The following PLCE1 variants were observed in gnomAD, a reference collection of about 807,000 sequenced individuals.
PLCE1 encodes 1-phosphatidylinositol 4,5-bisphosphate phosphodiesterase epsilon-1.
Under a neutral mutation model 242.8 loss-of-function variants are expected in PLCE1, and 119 were observed. That is an observed-to-expected ratio of 0.49 (90% CI 0.42 to 0.57). The LOEUF is 0.57. Ranked by LOEUF, PLCE1 falls within the 20% of genes least tolerant of loss-of-function variation. PLCE1 has a pLI of 0.00. For synonymous variants in PLCE1, 945 were observed against 1,017.4 expected, an observed-to-expected ratio of 0.93 and a Z score of 1.35; for missense variants, 2,441 against 2,788.8, an observed-to-expected ratio of 0.88 and a Z score of 2.81.
At chr10:94,154,899 T>A (rs953054573) in intron 3 of PLCE1, among the ~76,000 whole-genome samples, 12 of 147,714 alleles carry the variant, frequency 8.1e-5, no homozygotes, top group African/African-American at 3.0e-4. Context: ...TATATACATA[T>A]ATATATATAT....
At chr10:94,161,615 ACTT>A (rs1401086008) in intron 3 of PLCE1, among the ~76,000 whole-genome samples, 4 of 152,124 alleles carry the variant, frequency 2.6e-5, no homozygotes, top group Non-Finnish European at 2.9e-5. Context: ...GGACAATTTG[ACTT>A]CTTCTTTTCC....
rs1331062804 is a variant in PLCE1 at position 94,004,463 on chromosome 10, C to T, written c.-365+10205C>T. ...ATGAAAAGAGAAAGCAGATATAAAA[C>T]TTAAAAATTAAAGGTCAAATACTTT... On this transcript the variant is annotated intron_variant, in intron 1 of 32. Coordinates refer to ENST00000371380, the MANE Select transcript of PLCE1 (RefSeq NM_016341.4). Among the ~76,000 whole-genome samples the T allele has an allele frequency of 2.0e-5, 3 of 152,126 alleles. No homozygotes were observed. The East Asian group carries it at 5.8e-4, about 29-fold the overall frequency.
chr10:94,093,261 TAA>T lies in PLCE1; in HGVS notation c.1207-38911_1207-38910del, dbSNP rs544579719. 5.8e-4 allele frequency among the ~76,000 whole-genome samples: 88 copies of T among 152,366 alleles called. 1 individual carries two copies. The highest frequency in any genetic ancestry group is 2.1e-3 in the African/African-American group (87 of 41,588). On this transcript the variant is annotated intron_variant, in intron 2 of 32. Coordinates refer to ENST00000371380, the MANE Select transcript of PLCE1 (RefSeq NM_016341.4). The stretch of plus-strand genomic sequence containing the variant: ...TCTGTATGTAAAATGTAAAATATAA[TAA>T]ATCAAATAATGTTTTCAATAACTGT...
rs1473196776 is a variant in PLCE1, at chr10:94,004,344, T to C, written c.-365+10086T>C. 2.6e-5 allele frequency among the ~76,000 whole-genome samples: 4 copies of C among 152,180 alleles called. No homozygotes were observed. The East Asian group carries it at 7.7e-4, about 29-fold the overall frequency. On this transcript the variant is annotated intron_variant, in intron 1 of 32. Transcript: ENST00000371380. ...GCAAGATGAAGCTTGGTCCAAATCA[T>C]GACCTTAGAATCTAGTAATAGTCTA...
chr10:93,994,283 G>T (rs1402585037), intron 1 of PLCE1, among the ~76,000 whole-genome samples, 25 bp downstream of exon 1: 1 of 152,250 alleles, frequency 6.6e-6, no homozygotes, highest in African/African-American at 2.4e-5. Flanking sequence ...CTGTAGCTCG[G>T]TTCCTGAGGA....
chr10:94,150,158 C>T (rs781572699), intron 3 of PLCE1, among the ~76,000 whole-genome samples: 2 of 152,196 alleles, frequency 1.3e-5, no homozygotes, highest in Non-Finnish European at 2.9e-5. Context: ...TGGAAACATG[C>T]GGGCCTTCCA....
At chr10:94,180,938 T>A (rs1208119226) in intron 4 of PLCE1, among the ~76,000 whole-genome samples, 1 of 152,198 alleles carries the variant, frequency 6.6e-6, no homozygotes, top group African/African-American at 2.4e-5. Context: ...ATTTCCACTC[T>A]TTATACATTA....
intron 5 of PLCE1, among the ~76,000 whole-genome samples, chr10:94,229,821 A>G (rs2050081810): frequency 6.6e-6 from 1 of 152,202 alleles, no homozygotes; most frequent in African/African-American, 2.4e-5. Flanking sequence ...GCCTAGTTTC[A>G]TGCTCCTATA....
At chr10:94,324,239 C>G in intron 30 of PLCE1, 110 bp from the exon 31 acceptor site, 8 of 829,964 alleles carry the variant, frequency 9.6e-6, no homozygotes, top group Non-Finnish European at 1.3e-5. Flanking sequence ...CTGGAAGATC[C>G]CCTTCATCTC....
chr10:94,233,786 A>G (rs995713286), intron 5 of PLCE1, among the ~76,000 whole-genome samples: 4 of 152,112 alleles, frequency 2.6e-5, no homozygotes, highest in Non-Finnish European at 4.4e-5. Flanking sequence ...CGTCTCTACT[A>G]AAAATATAAA....
chr10:94,099,438 A>G (rs150454774), intron 2 of PLCE1, among the ~76,000 whole-genome samples: 4 of 152,226 alleles, frequency 2.6e-5, no homozygotes, highest in South Asian at 2.1e-4. Context: ...AGCAGTTTGC[A>G]TACATTTACC....
At chr10:94,061,148 C>T (rs569404012) in intron 2 of PLCE1, among the ~76,000 whole-genome samples, 1 of 152,252 alleles carries the variant, frequency 6.6e-6, no homozygotes, top group East Asian at 1.9e-4. Flanking sequence ...TCAAGCAAAA[C>T]CTGCTTTTTG....
rs1564727300 is a variant in PLCE1, at chr10:94,141,590, GCT to G, written c.1492+9132_1492+9133del. On this transcript the variant is annotated intron_variant, in intron 3 of 32. Coordinates refer to ENST00000371380, the MANE Select transcript of PLCE1 (RefSeq NM_016341.4). ...AAGGCTAAGGGAAGGTGAAGGGAAG[GCT>G]AAGGGAAGGCAAAGGGAAGGAGAAA... 2.3e-3 allele frequency among the ~76,000 whole-genome samples: 123 copies of G among 54,128 alleles called. 17 individuals carry two copies. Among genetic ancestry groups the G allele is most frequent in the African/African-American group, 0.011 (115 of 10,658 alleles). 35.5% of individuals were successfully genotyped at this position (54,128 alleles called of 152,430 possible).
At position 94,073,920 on chromosome 10, in the gene PLCE1, A is replaced by G. The variant is rs141855151; in HGVS notation, c.1206+41668A>G. Among the ~76,000 whole-genome samples, 3 of 152,292 alleles carry G rather than the reference A, an allele frequency of 2.0e-5. No individual in the cohort carries two copies. The East Asian group carries it at 5.8e-4, about 29-fold the overall frequency. ...TAGCACAGAAGGCGGGAAAACAGGA[A>G]TTAGGGAATTAATCATGATCAATGA... On this transcript the variant is annotated intron_variant, in intron 2 of 32. Coordinates refer to ENST00000371380, the MANE Select transcript of PLCE1 (RefSeq NM_016341.4).
chr10:94,026,977 G>A (rs905159339), intron 1 of PLCE1, among the ~76,000 whole-genome samples: 2 of 152,090 alleles, frequency 1.3e-5, no homozygotes, highest in African/African-American at 4.8e-5. Context: ...TGATGGAGTA[G>A]GTGATTTTAT....
At chr10:94,178,997 C>T (rs559078329) in intron 4 of PLCE1, among the ~76,000 whole-genome samples, 1 of 152,300 alleles carries the variant, frequency 6.6e-6, no homozygotes, top group East Asian at 1.9e-4. Flanking sequence ...TCTGAACACT[C>T]ACAGGATAAA....
chr10:94,258,801 G>T lies in PLCE1; in HGVS notation c.3556G>T (p.Ala1186Ser), dbSNP rs1167101726. The T allele has an allele frequency of 1.9e-6, 3 of 1,614,096 alleles. No individual in the cohort carries two copies. Among genetic ancestry groups the T allele is most frequent in the Non-Finnish European group, 2.5e-6 (3 of 1,179,966 alleles). The change falls in exon 12 of 33, where the codon GCT becomes TCT. Residue 1186 changes from alanine to serine, a missense_variant and splice_region_variant. Physicochemically the swap from Ala to Ser is moderately conservative, Grantham distance 99 (BLOSUM62 1). This residue lies in a region of PLCE1 where 1,004 missense variants were observed against 1,322.7 expected (regional missense o/e 0.76). Coordinates refer to ENST00000371380, the MANE Select transcript of PLCE1 (RefSeq NM_016341.4). ...LSSSNKSPSS[A>S]WSSSSWHGRI... Reference sequence around the variant, plus strand: ...ATGAAGGCCTTGTCTTTGTTGCAGTGCTTGGAGCAGTAGTAGCTGGCACGG... The same window carrying T: ...ATGAAGGCCTTGTCTTTGTTGCAGTTCTTGGAGCAGTAGTAGCTGGCACGG...
At chr10:94,014,352 G>A (rs1294041367) in intron 1 of PLCE1, among the ~76,000 whole-genome samples, 1 of 151,448 alleles carries the variant, frequency 6.6e-6, no homozygotes, top group Non-Finnish European at 1.5e-5. Context: ...GCCTGTAATC[G>A]CAGCACTTTG....
intron 3 of PLCE1, among the ~76,000 whole-genome samples, chr10:94,157,718 C>T (rs182715469): frequency 2.0e-5 from 3 of 152,360 alleles, no homozygotes; most frequent in Admixed American, 2.0e-4. Flanking sequence ...TTCATCCCAG[C>T]TATCCCTGTA....
Sources: gnomAD v4.1 joint callset for allele counts (sites outside exome capture counted in the v4.1 genomes callset) on GRCh38, gnomAD v4.1.1 for gene constraint, gnomAD v4.1.1 regional missense constraint, MANE v1.5 for transcripts, NCBI Gene and HGNC (gene_info 2026-07-23, HGNC 2026-07-21) for gene names.